The following PPP1R12B variants were observed in gnomAD, a reference collection of about 807,000 sequenced individuals.
PPP1R12B encodes the protein myosin phosphatase target subunit 2.
In PPP1R12B, 76 loss-of-function variants were observed where a neutral mutation model predicts 126.1. The observed-to-expected ratio is 0.60, with a 90% CI of 0.50 to 0.73. The LOEUF (loss-of-function observed/expected upper bound fraction) is 0.73. Ranked by LOEUF, PPP1R12B falls within the 30% of genes least tolerant of loss-of-function variation. PPP1R12B has a pLI of 0.00. For synonymous variants in PPP1R12B, 356 were observed against 434.7 expected (o/e 0.82, Z 2.25); for missense variants, 1,052 against 1,205.1 (o/e 0.87, Z 1.88).
intron 18 of PPP1R12B, among the ~76,000 whole-genome samples, chr1:202,529,983 ATATT>A (rs1257877087): frequency 6.6e-6 from 1 of 152,178 alleles, no homozygotes; most frequent in East Asian, 1.9e-4. Flanking sequence ...ACTGTACTAA[ATATT>A]TATAGTCTTA....
intron 8 of PPP1R12B, 110 bp from the exon 9 acceptor site, chr1:202,434,543 TTAA>T (rs1670565966): frequency 7.4e-7 from 1 of 1,359,750 alleles, no homozygotes; most frequent in Non-Finnish European, 9.7e-7. Flanking sequence ...TTACAGGGCC[TTAA>T]TAATCTGTTT....
intron 10 of PPP1R12B, chr1:202,439,028 C>T (rs1350028487): frequency 3.0e-6 from 4 of 1,355,758 alleles, no homozygotes; most frequent in African/African-American, 1.4e-5. Flanking sequence ...TGCCCACTAC[C>T]AGTGGGCGGA....
At chr1:202,386,418 G>T (rs1408995307) in intron 1 of PPP1R12B, among the ~76,000 whole-genome samples, 1 of 151,180 alleles carries the variant, frequency 6.6e-6, no homozygotes, top group Middle Eastern at 3.5e-3. Flanking sequence ...TGCAGCCTCC[G>T]CCTTCTGGGT....
chr1:202,353,800 A>T (rs886813821), intron 1 of PPP1R12B, among the ~76,000 whole-genome samples: 1 of 151,892 alleles, frequency 6.6e-6, no homozygotes, highest in African/African-American at 2.4e-5. Flanking sequence ...TTTGTAGACA[A>T]GGGGGTCTCA....
intron 10 of PPP1R12B, chr1:202,438,483 G>T: frequency 2.4e-6 from 1 of 413,036 alleles, no homozygotes; most frequent in Non-Finnish European, 4.6e-6. Context: ...TGCTGGATGG[G>T]GTGGAGGATG....
chr1:202,451,805 C>A (rs1672974092), intron 13 of PPP1R12B, among the ~76,000 whole-genome samples: 1 of 150,722 alleles, frequency 6.6e-6, no homozygotes, highest in African/African-American at 2.4e-5. Context: ...GGGGCTGACC[C>A]CCCACCTCCC....
chr1:202,578,534 G>T (rs570192907), intron 23 of PPP1R12B, among the ~76,000 whole-genome samples: 1 of 152,360 alleles, frequency 6.6e-6, no homozygotes, highest in Non-Finnish European at 1.5e-5. Flanking sequence ...GAGCTGCTTT[G>T]ATTAAATCAG....
intron 18 of PPP1R12B, among the ~76,000 whole-genome samples, chr1:202,554,836 G>A (rs16850042): frequency 0.023 from 3,434 of 151,790 alleles, 135 homozygotes; most frequent in African/African-American, 0.077. Context: ...AAGTAAGAGC[G>A]TAGGTCATCA....
intron 18 of PPP1R12B, among the ~76,000 whole-genome samples, chr1:202,553,696 G>C (rs1259705401): frequency 6.6e-6 from 1 of 152,086 alleles, no homozygotes; most frequent in East Asian, 1.9e-4. Context: ...AAGGATCATC[G>C]ATTTGGCTGG....
At chr1:202,489,910 A>G (rs1311690408) in intron 14 of PPP1R12B, among the ~76,000 whole-genome samples, 4 of 152,244 alleles carry the variant, frequency 2.6e-5, no homozygotes, top group African/African-American at 9.6e-5. Flanking sequence ...TTAAGGGAAT[A>G]TGGTATAGTC....
chr1:202,471,384 G>C (rs1448868800), intron 13 of PPP1R12B, among the ~76,000 whole-genome samples: 2 of 148,590 alleles, frequency 1.3e-5, no homozygotes, highest in African/African-American at 2.5e-5. Context: ...TGATGCTGCT[G>C]TTTACATTCT....
At chr1:202,485,071 G>A (rs1216063973) in intron 13 of PPP1R12B, among the ~76,000 whole-genome samples, 5 of 151,808 alleles carry the variant, frequency 3.3e-5, no homozygotes, top group Non-Finnish European at 7.4e-5. Flanking sequence ...GGTGTGCATA[G>A]GTTCAGCTGG....
intron 18 of PPP1R12B, among the ~76,000 whole-genome samples, chr1:202,528,782 C>T (rs1207170572): frequency 6.6e-6 from 1 of 151,112 alleles, no homozygotes; most frequent in African/African-American, 2.4e-5. Flanking sequence ...TTGTTTTTTA[C>T]CTACAATGAG....
At chr1:202,510,980 A>C (rs1241949148) in intron 18 of PPP1R12B, among the ~76,000 whole-genome samples, 1 of 146,336 alleles carries the variant, frequency 6.8e-6, no homozygotes, top group African/African-American at 2.5e-5. Flanking sequence ...ATACATATAA[A>C]TTATATCCAA....
intron 1 of PPP1R12B, among the ~76,000 whole-genome samples, chr1:202,394,497 G>A (rs1180687157): frequency 1.3e-5 from 2 of 152,126 alleles, no homozygotes; most frequent in African/African-American, 4.8e-5. Context: ...GCTCACGCCT[G>A]TAATCCAAGC....
chr1:202,400,771 C>G (rs1407640952), intron 1 of PPP1R12B, among the ~76,000 whole-genome samples: 2 of 152,078 alleles, frequency 1.3e-5, no homozygotes, highest in Non-Finnish European at 2.9e-5. Context: ...TACTGTTATT[C>G]CCATTTTATA....
At chr1:202,470,515 G>A (rs150477950) in intron 13 of PPP1R12B, among the ~76,000 whole-genome samples, 2,385 of 152,114 alleles carry the variant, frequency 0.016, 66 homozygotes, top group African/African-American at 0.051. Flanking sequence ...AAAATTGCCC[G>A]TATTCTCACC....
chr1:202,584,885 TC>T lies in PPP1R12B; in HGVS notation c.*4328del, dbSNP rs1689730262. ...AACACTGCAGGAGCCCTGGTATCCT[TC>T]CCTCAGAGATATCATCAGGGGCCCT... On this transcript the variant is annotated 3_prime_UTR_variant, in exon 24 of 24. Coordinates refer to ENST00000608999, the MANE Select transcript of PPP1R12B (RefSeq NM_002481.4). The T allele has an allele frequency of 6.6e-6, 1 of 152,232 alleles. No homozygotes were observed. Among genetic ancestry groups the T allele is most frequent in the Non-Finnish European group, 1.5e-5 (1 of 68,052 alleles). The allele number at this position is 152,232 out of a possible 1,614,324, so 9.4% of individuals were successfully genotyped here.
chr1:202,368,858 A>G (rs546608209), intron 1 of PPP1R12B, among the ~76,000 whole-genome samples: 35 of 152,242 alleles, frequency 2.3e-4, no homozygotes, highest in Middle Eastern at 3.4e-3. Flanking sequence ...CAGCCTCCTG[A>G]GTAGCTACGA....
Sources: gnomAD v4.1 joint callset for allele counts (sites outside exome capture counted in the v4.1 genomes callset) on GRCh38, gnomAD v4.1.1 for gene constraint, MANE v1.5 for transcripts, NCBI Gene and HGNC (gene_info 2026-07-23, HGNC 2026-07-21) for gene names.